ZNF804A: variants seen among roughly 807,000 people sequenced by gnomAD.
ZNF804A encodes the protein zinc finger protein 804A.
Under a neutral mutation model 16.5 loss-of-function variants are expected in ZNF804A, and 2 were observed. The ratio of observed to expected loss-of-function variants is 0.12; its 90% CI spans 0.05 to 0.38. The LOEUF (loss-of-function observed/expected upper bound fraction) is 0.38, where lower values mean the gene tolerates loss of function less well. ZNF804A is among the 10% of genes least tolerant of loss of function. The probability of loss-of-function intolerance (pLI) is 0.99; values close to 1 mark genes in which losing one functional copy is unlikely to be tolerated. For synonymous variants in ZNF804A, 534 were observed against 489.6 expected, an observed-to-expected ratio of 1.09 and a Z score of -1.20; for missense variants, 1,473 against 1,390.7, an observed-to-expected ratio of 1.06 and a Z score of -0.94.
intron 1 of ZNF804A, among the ~76,000 whole-genome samples, chr2:184,677,009 A>C (rs1692447543): frequency 6.6e-6 from 1 of 151,956 alleles, no homozygotes; most frequent in East Asian, 1.9e-4. Flanking sequence ...TTATATTTGG[A>C]GTTAAAAACA....
intron 1 of ZNF804A, among the ~76,000 whole-genome samples, chr2:184,632,625 G>A (rs10210865): frequency 0.034 from 5,181 of 152,216 alleles, 307 homozygotes; most frequent in African/African-American, 0.11. Flanking sequence ...GGATCTGCCC[G>A]CCTCTGCCTC....
intron 1 of ZNF804A, among the ~76,000 whole-genome samples, chr2:184,854,838 T>C (rs1695662124): frequency 6.6e-6 from 1 of 152,036 alleles, no homozygotes; most frequent in Non-Finnish European, 1.5e-5. Context: ...TACTTAATGG[T>C]ATGCTGATCA....
At chr2:184,660,714 A>G (rs764257269) in intron 1 of ZNF804A, among the ~76,000 whole-genome samples, 4 of 152,252 alleles carry the variant, frequency 2.6e-5, no homozygotes, top group Non-Finnish European at 5.9e-5. Context: ...CAAAATCTGG[A>G]ATATGAAGGA....
chr2:184,826,475 T>C (rs1000651310), intron 1 of ZNF804A, among the ~76,000 whole-genome samples: 6 of 152,156 alleles, frequency 3.9e-5, no homozygotes, highest in Admixed American at 3.3e-4. Flanking sequence ...TGAACCATAA[T>C]TATTTTCTTT....
At chr2:184,606,638 T>C (rs1231124869) in intron 1 of ZNF804A, among the ~76,000 whole-genome samples, 1 of 152,202 alleles carries the variant, frequency 6.6e-6, no homozygotes, top group Non-Finnish European at 1.5e-5. Context: ...CTCTTGATGA[T>C]GTGGTTTGGC....
chr2:184,606,840 C>CACACACACACACACAT (rs1553520284), intron 1 of ZNF804A, among the ~76,000 whole-genome samples: 14 of 151,800 alleles, frequency 9.2e-5, no homozygotes, highest in African/African-American at 2.9e-4. Flanking sequence ...TCTACACACA[C>CACACACACACACACAT]ACACACACAC....
intron 1 of ZNF804A, among the ~76,000 whole-genome samples, chr2:184,703,685 GGT>G (rs202222776): frequency 0.49 from 29,136 of 59,116 alleles, 7,319 homozygotes; most frequent in Middle Eastern, 0.63. Context: ...GCAAGACTCC[GGT>G]TCAAAAAAAA....
At chr2:184,695,340 A>C (rs1003126249) in intron 1 of ZNF804A, among the ~76,000 whole-genome samples, 6 of 151,860 alleles carry the variant, frequency 4.0e-5, no homozygotes, top group Admixed American at 2.0e-4. Flanking sequence ...ATGTGCCTGT[A>C]GTCCCAGCTA....
intron 2 of ZNF804A, among the ~76,000 whole-genome samples, chr2:184,924,920 AT>A (rs948338675): frequency 8.6e-5 from 13 of 151,140 alleles, no homozygotes; most frequent in Non-Finnish European, 1.3e-4. Flanking sequence ...TATTATTTCA[AT>A]TTTTTTTGAT....
intron 2 of ZNF804A, among the ~76,000 whole-genome samples, chr2:184,874,098 G>C (rs569779359): frequency 6.6e-6 from 1 of 152,056 alleles, no homozygotes; most frequent in Non-Finnish European, 1.5e-5. Context: ...GTGAACAAAA[G>C]ATTGCAAAGA....
chr2:184,930,260 T>G (rs75616015), intron 2 of ZNF804A, among the ~76,000 whole-genome samples: 1 of 152,302 alleles, frequency 6.6e-6, no homozygotes, highest in African/African-American at 2.4e-5. Context: ...TACACCTGTT[T>G]TATGAAAAGC....
chr2:184,851,537 C>A (rs1439599021), intron 1 of ZNF804A, among the ~76,000 whole-genome samples: 1 of 151,854 alleles, frequency 6.6e-6, no homozygotes, highest in Non-Finnish European at 1.5e-5. Flanking sequence ...AGAGTGATAG[C>A]ATTCCACTGC....
rs769162052 is a variant in ZNF804A at position 184,938,523 on chromosome 2, A to G, written c.3127A>G (p.Lys1043Glu). ...ALLIPLENHD[K>E]FKNVPCEVYQ... is the part of the protein sequence containing the mutation. ...ATTGATCCCACTAGAAAACCATGACAAATTCAAAAATGTACCATGTGAGGT... is the reference window on the plus strand; with the variant it reads ...ATTGATCCCACTAGAAAACCATGACGAATTCAAAAATGTACCATGTGAGGT... The change falls in exon 4 of 4, where the codon AAA (lysine) becomes GAA (glutamate). Residue 1043 changes from lysine (K) to glutamate (E), a missense_variant. Transcript: ENST00000302277. 8 of 1,614,140 alleles carry G rather than the reference A, an allele frequency of 5.0e-6. No individual in the cohort carries two copies. In the Admixed American group the frequency reaches 8.3e-5, roughly 17 times the overall value.
chr2:184,676,295 C>CT (rs34355159), intron 1 of ZNF804A, among the ~76,000 whole-genome samples: 61,149 of 149,092 alleles, frequency 0.41, 13,476 homozygotes, highest in African/African-American at 0.58. Flanking sequence ...TCTTGCTTCA[C>CT]TTTTTTTTTT....
chr2:184,722,284 A>C (rs769820109), intron 1 of ZNF804A, among the ~76,000 whole-genome samples: 20 of 152,072 alleles, frequency 1.3e-4, no homozygotes, highest in Non-Finnish European at 2.1e-4. Flanking sequence ...AATGTAAGTA[A>C]ATCATCCGAT....
chr2:184,885,224 C>G (rs979435699), intron 2 of ZNF804A, among the ~76,000 whole-genome samples: 1 of 152,146 alleles, frequency 6.6e-6, no homozygotes, highest in Non-Finnish European at 1.5e-5. Context: ...AAAGGGAACA[C>G]TTATACACTG....
chr2:184,612,756 C>G (rs1302737863), intron 1 of ZNF804A, among the ~76,000 whole-genome samples: 4 of 152,078 alleles, frequency 2.6e-5, no homozygotes, highest in African/African-American at 9.7e-5. Context: ...CATACTGTTA[C>G]TCAAAAACAC....
At chr2:184,860,263 G>C (rs1369203186) in intron 1 of ZNF804A, among the ~76,000 whole-genome samples, 1 of 152,160 alleles carries the variant, frequency 6.6e-6, no homozygotes, top group East Asian at 1.9e-4. Flanking sequence ...TGTGAGAACT[G>C]GACTGGGTCC....
At chr2:184,930,977 G>A (rs1252089300) in intron 2 of ZNF804A, among the ~76,000 whole-genome samples, 1 of 152,188 alleles carries the variant, frequency 6.6e-6, no homozygotes, top group Non-Finnish European at 1.5e-5. Flanking sequence ...CACAATCATG[G>A]TGGAAGGTGA....
Sources: gnomAD v4.1 joint callset for allele counts (sites outside exome capture counted in the v4.1 genomes callset) on GRCh38, gnomAD v4.1.1 for gene constraint, MANE v1.5 for transcripts, NCBI Gene and HGNC (gene_info 2026-07-23, HGNC 2026-07-21) for gene names.